BRINP3: variants seen among roughly 807,000 people sequenced by gnomAD.
The protein encoded by BRINP3 is BMP/retinoic acid inducible neural specific 3, also known as BMP/retinoic acid-inducible neural-specific protein 3.
Under a neutral mutation model 71.0 loss-of-function variants are expected in BRINP3, and 19 were observed. The observed-to-expected ratio is 0.27, with a 90% confidence interval of 0.19 to 0.39. The LOEUF (loss-of-function observed/expected upper bound fraction) is 0.39. Ranked by LOEUF, BRINP3 falls within the 10% of genes least tolerant of loss-of-function variation. BRINP3 has a pLI of 1.00. For missense variants in BRINP3, 959 were observed against 940.8 expected, an observed-to-expected ratio of 1.02 and a Z score of -0.25; for synonymous variants, 380 against 337.7, an observed-to-expected ratio of 1.13 and a Z score of -1.37.
intron 2 of BRINP3, among the ~76,000 whole-genome samples, chr1:190,338,392 G>T (rs1388258093): frequency 6.6e-6 from 1 of 151,908 alleles, no homozygotes; most frequent in Non-Finnish European, 1.5e-5. Flanking sequence ...ATTCTAAGTT[G>T]ACTCTATTGT....
At chr1:190,154,502 C>G (rs187258710) in intron 7 of BRINP3, among the ~76,000 whole-genome samples, 146 of 152,226 alleles carry the variant, frequency 9.6e-4, no homozygotes, top group African/African-American at 2.6e-3. Flanking sequence ...TTGACACTTC[C>G]ACTGACAGTT....
At chr1:190,104,646 A>G (rs1651986378) in intron 7 of BRINP3, among the ~76,000 whole-genome samples, 2 of 152,044 alleles carry the variant, frequency 1.3e-5, no homozygotes, top group Non-Finnish European at 2.9e-5. Context: ...ATTGAAATAT[A>G]CTTGTATGAC....
At chr1:190,273,199 A>G (rs1662264706) in intron 3 of BRINP3, among the ~76,000 whole-genome samples, 1 of 151,600 alleles carries the variant, frequency 6.6e-6, no homozygotes, top group South Asian at 2.1e-4. Flanking sequence ...ATTCATCAGA[A>G]CCTATGTAAA....
chr1:190,398,108 G>A (rs926718717), intron 2 of BRINP3, among the ~76,000 whole-genome samples: 2 of 151,830 alleles, frequency 1.3e-5, no homozygotes, highest in African/African-American at 4.8e-5. Flanking sequence ...ACCCAAAAGT[G>A]ATTTAATTTT....
At chr1:190,288,145 T>C (rs1309197293) in intron 2 of BRINP3, among the ~76,000 whole-genome samples, 2 of 152,168 alleles carry the variant, frequency 1.3e-5, no homozygotes, top group East Asian at 3.9e-4. Flanking sequence ...TTTGAAAGTA[T>C]AGTTTAATTT....
At chr1:190,314,470 A>G (rs1571721924) in intron 2 of BRINP3, among the ~76,000 whole-genome samples, 1 of 152,254 alleles carries the variant, frequency 6.6e-6, no homozygotes, top group Middle Eastern at 3.4e-3. Flanking sequence ...AGTCATTTGA[A>G]GTAGAGGAAA....
chr1:190,462,243 T>G (rs996859731), intron 1 of BRINP3, among the ~76,000 whole-genome samples: 19 of 152,204 alleles, frequency 1.2e-4, no homozygotes, highest in Non-Finnish European at 2.2e-4. Flanking sequence ...TTAAAAAATG[T>G]TAAGGACAAA....
chr1:190,433,336 A>G (rs1268324518), intron 2 of BRINP3, among the ~76,000 whole-genome samples: 2 of 152,158 alleles, frequency 1.3e-5, no homozygotes, highest in African/African-American at 4.8e-5. Context: ...TAATACCTGA[A>G]CTTAACTGTG....
chr1:190,137,282 G>T (rs370565097), intron 7 of BRINP3, among the ~76,000 whole-genome samples: 2 of 152,044 alleles, frequency 1.3e-5, no homozygotes, highest in Non-Finnish European at 2.9e-5. Context: ...AAATAAGGAT[G>T]CCAGTTTATC....
intron 2 of BRINP3, among the ~76,000 whole-genome samples, chr1:190,434,281 T>C (rs1000850465): frequency 1.3e-5 from 2 of 151,960 alleles, no homozygotes; most frequent in Non-Finnish European, 2.9e-5. Context: ...GGCTAATTTT[T>C]GTATTTTTAA....
chr1:190,473,722 A>C (rs1677303299), intron 1 of BRINP3, among the ~76,000 whole-genome samples: 2 of 151,764 alleles, frequency 1.3e-5, no homozygotes, highest in South Asian at 4.1e-4. Context: ...CAATCTACAA[A>C]ACTGAAAATG....
chr1:190,446,910 C>T (rs1031541525), intron 2 of BRINP3, among the ~76,000 whole-genome samples: 1 of 151,792 alleles, frequency 6.6e-6, no homozygotes, highest in African/African-American at 2.4e-5. Flanking sequence ...GATGGGTGAA[C>T]AACTGGCTTG....
chr1:190,393,747 C>T (rs1671400752), intron 2 of BRINP3, among the ~76,000 whole-genome samples: 2 of 151,396 alleles, frequency 1.3e-5, no homozygotes, highest in South Asian at 4.1e-4. Flanking sequence ...TGCTGAAAAA[C>T]CTGGAGTGCA....
intron 6 of BRINP3, among the ~76,000 whole-genome samples, chr1:190,166,885 G>T (rs1571891297): frequency 6.6e-6 from 1 of 151,928 alleles, no homozygotes; most frequent in African/African-American, 2.4e-5. Context: ...CACTACTTCC[G>T]GCTAGTTTTT....
At chr1:190,196,897 T>C (rs1654532524) in intron 6 of BRINP3, among the ~76,000 whole-genome samples, 1 of 150,882 alleles carries the variant, frequency 6.6e-6, no homozygotes, top group East Asian at 1.9e-4. Context: ...AAGGGTAGAC[T>C]TGAAATAAGC....
At chr1:190,436,448 T>C (rs1434270456) in intron 2 of BRINP3, among the ~76,000 whole-genome samples, 2 of 151,758 alleles carry the variant, frequency 1.3e-5, no homozygotes, top group African/African-American at 4.8e-5. Flanking sequence ...CCTTCTTAGA[T>C]AAAAATCACC....
At chr1:190,253,627 C>CT (rs1055278316) in intron 4 of BRINP3, among the ~76,000 whole-genome samples, 21 of 151,792 alleles carry the variant, frequency 1.4e-4, no homozygotes, top group African/African-American at 4.1e-4. Flanking sequence ...GGGTTGTTTG[C>CT]TTTTTTTCTT....
chr1:190,427,147 A>T (rs1673763734), intron 2 of BRINP3, among the ~76,000 whole-genome samples: 1 of 151,938 alleles, frequency 6.6e-6, no homozygotes, highest in African/African-American at 2.4e-5. Context: ...ATATTTATCT[A>T]ATTTCTATGG....
At chr1:190,272,934 T>G (rs1259292833) in intron 3 of BRINP3, among the ~76,000 whole-genome samples, 1 of 151,550 alleles carries the variant, frequency 6.6e-6, no homozygotes. Flanking sequence ...TGATGTAAAC[T>G]TGTTGCCTTG....
Sources: allele counts gnomAD v4.1 joint callset (sites outside exome capture counted in the v4.1 genomes callset), GRCh38; gene constraint gnomAD v4.1.1; transcripts MANE v1.5; gene names NCBI Gene and HGNC (gene_info 2026-07-23, HGNC 2026-07-21).